COL24A1: variants seen among roughly 807,000 people sequenced by gnomAD.
COL24A1 encodes the protein collagen type XXIV alpha 1 chain, also known as collagen alpha-1(XXIV) chain.
Under a neutral mutation model 253.9 loss-of-function variants are expected in COL24A1, and 224 were observed. The observed-to-expected ratio is 0.88, with a 90% CI of 0.79 to 0.99. The LOEUF (loss-of-function observed/expected upper bound fraction) is 0.99, where lower values mean the gene tolerates loss of function less well. Ranked by LOEUF, COL24A1 falls within the 50% of genes least tolerant of loss-of-function variation. The probability of loss-of-function intolerance (pLI) is 0.00; values close to 1 mark genes in which losing one functional copy is unlikely to be tolerated. For missense variants in COL24A1, 2,131 were observed against 2,068.5 expected (o/e 1.03, Z -0.59); for synonymous variants, 685 against 673.7 (o/e 1.02, Z -0.26).
chr1:85,886,692 ATTTTAG>A, intron 32 of COL24A1, among the ~76,000 whole-genome samples: 1 of 152,036 alleles, frequency 6.6e-6, no homozygotes, highest in African/African-American at 2.4e-5. Context: ...TGGTTGCTAA[ATTTTAG>A]ACTACTTGCT....
chr1:86,065,838 A>G (rs1171115700), intron 7 of COL24A1, among the ~76,000 whole-genome samples: 4 of 152,162 alleles, frequency 2.6e-5, no homozygotes, highest in African/African-American at 9.7e-5. Flanking sequence ...TTAAAACAAC[A>G]ACAATAGAAA....
At chr1:85,904,768 T>C (rs1684643785) in intron 28 of COL24A1, among the ~76,000 whole-genome samples, 1 of 152,106 alleles carries the variant, frequency 6.6e-6, no homozygotes, top group South Asian at 2.1e-4. Context: ...TATTATTTGT[T>C]TGGGGTTTTC....
chr1:85,891,291 C>T (rs1274040837), intron 31 of COL24A1, among the ~76,000 whole-genome samples: 1 of 149,968 alleles, frequency 6.7e-6, no homozygotes, highest in African/African-American at 2.5e-5. Flanking sequence ...GTATCAATCT[C>T]CTGACCTCGT....
intron 23 of COL24A1, among the ~76,000 whole-genome samples, chr1:85,964,593 AC>A (rs1387500276): frequency 6.6e-6 from 1 of 152,156 alleles, no homozygotes; most frequent in Non-Finnish European, 1.5e-5. Context: ...TCACAGATAC[AC>A]AGATTGAGCA....
At chr1:86,117,948 T>C (rs957343260) in intron 3 of COL24A1, among the ~76,000 whole-genome samples, 19 of 152,168 alleles carry the variant, frequency 1.2e-4, no homozygotes, top group African/African-American at 4.1e-4. Flanking sequence ...CTTTAAAATA[T>C]TGATGATAGA....
chr1:85,961,204 A>T (rs1421452409), intron 24 of COL24A1, 45 bp downstream of exon 24: 1 of 1,395,004 alleles, frequency 7.2e-7, no homozygotes, highest in Non-Finnish European at 1.0e-6. Context: ...GATTCCTAAA[A>T]ATGCTTACAG....
At chr1:85,967,731 G>A (rs752774958) in intron 22 of COL24A1, among the ~76,000 whole-genome samples, 6 of 152,086 alleles carry the variant, frequency 3.9e-5, no homozygotes, top group Non-Finnish European at 7.4e-5. Context: ...TAAAGATCAC[G>A]CAACCTAGAT....
At chr1:86,107,605 G>T (rs1473336759) in intron 5 of COL24A1, among the ~76,000 whole-genome samples, 1 of 151,742 alleles carries the variant, frequency 6.6e-6, no homozygotes, top group East Asian at 1.9e-4. Context: ...CCCGATCTTG[G>T]CTCACTGTAA....
In COL24A1 at chr1:86,135,251, G is replaced by A. The variant is rs183222890; in HGVS notation, c.122-9037C>T. Reference sequence around the variant, plus strand: ...TTTGAGCCTATGTGTGTCTCTGCACGTGAGATGGGTTTCCTGAATACAGCA... The same window carrying A: ...TTTGAGCCTATGTGTGTCTCTGCACATGAGATGGGTTTCCTGAATACAGCA... On this transcript the variant is annotated intron_variant, in intron 2 of 59. Transcript: ENST00000370571. Among the ~76,000 whole-genome samples, 351 of 152,044 alleles carry A rather than the reference G, an allele frequency of 2.3e-3. 1 individual carries two copies. Among genetic ancestry groups the A allele is most frequent in the Non-Finnish European group, 4.3e-3 (291 of 67,980 alleles).
intron 2 of COL24A1, among the ~76,000 whole-genome samples, chr1:86,134,795 C>T (rs76200757): frequency 0.43 from 3,280 of 7,578 alleles, 1,252 homozygotes; most frequent in Non-Finnish European, 0.97. Flanking sequence ...GGAATAAGTG[C>T]GATGTGGTGC....
intron 1 of COL24A1, among the ~76,000 whole-genome samples, chr1:86,149,404 G>A (rs57619331): frequency 6.6e-6 from 1 of 152,292 alleles, no homozygotes; most frequent in African/African-American, 2.4e-5. Context: ...TGAGTAAGGA[G>A]GCTATTTACC....
At chr1:85,801,301 C>T (rs993369034) in intron 47 of COL24A1, among the ~76,000 whole-genome samples, 3 of 152,152 alleles carry the variant, frequency 2.0e-5, no homozygotes, top group African/African-American at 7.2e-5. Flanking sequence ...ACTTGTCCTG[C>T]GAATCTGACT....
intron 2 of COL24A1, among the ~76,000 whole-genome samples, chr1:86,132,494 T>A (rs1271497982): frequency 2.0e-5 from 3 of 152,158 alleles, no homozygotes; most frequent in African/African-American, 7.2e-5. Flanking sequence ...TTTTTATGGT[T>A]TTAGGTCTAA....
At chr1:86,117,980 G>T (rs1706311644) in intron 3 of COL24A1, among the ~76,000 whole-genome samples, 1 of 152,060 alleles carries the variant, frequency 6.6e-6, no homozygotes, top group Admixed American at 6.6e-5. Context: ...CAGGGTTATT[G>T]TGAGTATTAA....
At chr1:85,772,080 G>T (rs1049031783) in intron 53 of COL24A1, among the ~76,000 whole-genome samples, 1 of 147,948 alleles carries the variant, frequency 6.8e-6, no homozygotes, top group African/African-American at 2.5e-5. Context: ...ATAGTTTACT[G>T]AGAATGATGA....
chr1:86,145,898 T>C (rs1329884076), intron 2 of COL24A1, among the ~76,000 whole-genome samples: 2 of 152,074 alleles, frequency 1.3e-5, no homozygotes, highest in Non-Finnish European at 2.9e-5. Context: ...TGCTTAAAAA[T>C]GTAAGCAATT....
intron 38 of COL24A1, among the ~76,000 whole-genome samples, chr1:85,848,180 T>C (rs890085408): frequency 6.6e-6 from 1 of 152,234 alleles, no homozygotes; most frequent in African/African-American, 2.4e-5. Flanking sequence ...TGTGCAGTTC[T>C]GTACATTCAG....
intron 55 of COL24A1, among the ~76,000 whole-genome samples, chr1:85,756,380 C>T (rs1334461680): frequency 2.0e-5 from 3 of 152,104 alleles, no homozygotes; most frequent in East Asian, 3.9e-4. Context: ...GATCGCACCA[C>T]TGCACTCCAG....
At chr1:86,132,998 A>T (rs189486949) in intron 2 of COL24A1, among the ~76,000 whole-genome samples, 22 of 105,106 alleles carry the variant, frequency 2.1e-4, no homozygotes, top group Non-Finnish European at 3.0e-4. Context: ...CCTACCTATG[A>T]GCACGGAATG....
Sources: allele counts gnomAD v4.1 joint callset (sites outside exome capture counted in the v4.1 genomes callset), GRCh38; gene constraint gnomAD v4.1.1; transcripts MANE v1.5; gene names NCBI Gene and HGNC (gene_info 2026-07-23, HGNC 2026-07-21).